The following SDK1 variants were observed in gnomAD, a reference collection of about 807,000 sequenced individuals.
The protein encoded by SDK1 is protein sidekick-1.
Under a neutral mutation model 245.5 loss-of-function variants are expected in SDK1, and 157 were observed. The observed-to-expected ratio is 0.64, with a 90% CI of 0.56 to 0.73. SDK1 has a LOEUF of 0.73. SDK1 is among the 30% of genes least tolerant of loss of function. The probability of loss-of-function intolerance (pLI) is 0.00; values close to 1 mark genes in which losing one functional copy is unlikely to be tolerated. For missense variants in SDK1, 3,583 were observed against 3,002.3 expected, an observed-to-expected ratio of 1.19 and a Z score of -4.52; for synonymous variants, 1,647 against 1,278.5, an observed-to-expected ratio of 1.29 and a Z score of -6.15.
At chr7:3,684,387 C>T (rs1431249832) in intron 4 of SDK1, among the ~76,000 whole-genome samples, 1 of 152,202 alleles carries the variant, frequency 6.6e-6, no homozygotes, top group African/African-American at 2.4e-5. Flanking sequence ...TGAAGCTCAC[C>T]CCTCACTGAG....
chr7:3,339,156 A>G (rs571701475), intron 1 of SDK1, among the ~76,000 whole-genome samples: 1 of 146,854 alleles, frequency 6.8e-6, no homozygotes, highest in African/African-American at 2.5e-5. Context: ...GGCCATATTA[A>G]CATTCAAAAA....
At chr7:3,903,087 T>A (rs1174980669) in intron 5 of SDK1, among the ~76,000 whole-genome samples, 1 of 152,088 alleles carries the variant, frequency 6.6e-6, no homozygotes, top group Admixed American at 6.6e-5. Flanking sequence ...GGGGTACCTC[T>A]TTACTCTCAC....
chr7:3,639,911 A>G (rs1264867467), intron 3 of SDK1, among the ~76,000 whole-genome samples: 1 of 152,150 alleles, frequency 6.6e-6, no homozygotes, highest in Non-Finnish European at 1.5e-5. Context: ...GTGCAGTGGC[A>G]CAAACATAGC....
chr7:4,145,754 A>G lies in SDK1; in HGVS notation c.4261A>G (p.Ser1421Gly), dbSNP rs369892492. 31 of 1,611,362 alleles carry G rather than the reference A, an allele frequency of 1.9e-5. No homozygotes were observed. The highest frequency in any genetic ancestry group is 2.4e-5 in the Non-Finnish European group (28 of 1,179,000). The change falls in exon 29 of 45, where the codon AGC becomes GGC. Residue 1421 changes from serine to glycine, a missense_variant. Transcript: ENST00000404826. ...YQIAYRLASS[S>G]PHTFTTVEVG... ...GATTGCCTACCGCCTGGCCAGCAGC[A>G]GCCCCCACACCTTCACCACCGTGGA...
At chr7:4,194,972 A>G (rs1408911963) in intron 35 of SDK1, among the ~76,000 whole-genome samples, 1 of 152,112 alleles carries the variant, frequency 6.6e-6, no homozygotes, top group Admixed American at 6.5e-5. Context: ...TTCCCCTGGA[A>G]TTTTCTGCTC....
chr7:3,826,051 A>T (rs1779766701), intron 5 of SDK1, among the ~76,000 whole-genome samples: 1 of 152,208 alleles, frequency 6.6e-6, no homozygotes, highest in African/African-American at 2.4e-5. Flanking sequence ...TCATGAGTTT[A>T]ATCATTTAGC....
At chr7:4,060,134 G>T (rs991630250) in intron 19 of SDK1, among the ~76,000 whole-genome samples, 1 of 152,128 alleles carries the variant, frequency 6.6e-6, no homozygotes, top group Non-Finnish European at 1.5e-5. Context: ...GCCCGCCTCG[G>T]CCTTCCAAAG....
At chr7:3,407,373 A>G (rs1779082385) in intron 1 of SDK1, among the ~76,000 whole-genome samples, 1 of 152,190 alleles carries the variant, frequency 6.6e-6, no homozygotes. Flanking sequence ...TGGCATTTGC[A>G]TCCTGCCAAG....
At chr7:3,683,228 G>A (rs570195796) in intron 4 of SDK1, among the ~76,000 whole-genome samples, 1 of 152,106 alleles carries the variant, frequency 6.6e-6, no homozygotes, top group African/African-American at 2.4e-5. Context: ...TTGTATCTGT[G>A]GTGTTTTCTG....
At chr7:3,892,595 C>G (rs1249537594) in intron 5 of SDK1, among the ~76,000 whole-genome samples, 2 of 152,232 alleles carry the variant, frequency 1.3e-5, no homozygotes, top group Non-Finnish European at 2.9e-5. Flanking sequence ...GTGATACAGT[C>G]TCTCACAGGC....
In SDK1 at chr7:4,107,530, C is replaced by T. The variant is rs114664903; in HGVS notation, c.3325-3133C>T. 4.9e-3 allele frequency among the ~76,000 whole-genome samples: 741 copies of T among 151,276 alleles called. 2 individuals carry two copies. The highest frequency in any genetic ancestry group is 0.012 in the African/African-American group (478 of 41,004). ...AAACAAAACGTATTCTCCATGAAAT[C>T]GCCCAGTGCTTTGGTTTAACACCCA... On this transcript the variant is annotated intron_variant, in intron 22 of 44. Coordinates refer to ENST00000404826, the MANE Select transcript of SDK1 (RefSeq NM_152744.4).
At chr7:3,607,701 G>GT (rs1191427708) in intron 1 of SDK1, among the ~76,000 whole-genome samples, 1 of 152,196 alleles carries the variant, frequency 6.6e-6, no homozygotes, top group African/African-American at 2.4e-5. Flanking sequence ...ATTTATGTGT[G>GT]TTATTTAGAA....
chr7:4,146,133 C>A (rs895252020), intron 29 of SDK1, among the ~76,000 whole-genome samples: 5 of 142,792 alleles, frequency 3.5e-5, no homozygotes, highest in African/African-American at 1.2e-4. Flanking sequence ...CACACCTGCT[C>A]TCTCAGACAC....
intron 1 of SDK1, among the ~76,000 whole-genome samples, chr7:3,357,228 G>T (rs1218223435): frequency 6.6e-6 from 1 of 150,546 alleles, no homozygotes; most frequent in Non-Finnish European, 1.5e-5. Context: ...AGAGACTCTG[G>T]ATGCTTCTGT....
chr7:4,167,633 C>T (rs1359720785), intron 32 of SDK1, among the ~76,000 whole-genome samples: 1 of 152,222 alleles, frequency 6.6e-6, no homozygotes, highest in Non-Finnish European at 1.5e-5. Context: ...CCCCAGGGCT[C>T]TGACTGAGCA....
At chr7:4,138,371 T>C (rs575554267) in intron 28 of SDK1, among the ~76,000 whole-genome samples, 3 of 152,304 alleles carry the variant, frequency 2.0e-5, no homozygotes, top group South Asian at 2.1e-4. Flanking sequence ...GCTTTTGTTA[T>C]GTTGTGCAGA....
At chr7:3,640,287 G>A (rs1011829870) in intron 3 of SDK1, among the ~76,000 whole-genome samples, 4 of 152,134 alleles carry the variant, frequency 2.6e-5, no homozygotes, top group Admixed American at 2.0e-4. Context: ...CCTGAGTTGG[G>A]CTGTACTATT....
At chr7:4,227,245 C>A (rs561224799) in intron 40 of SDK1, 73 of 371,232 alleles carry the variant, frequency 2.0e-4, no homozygotes, top group South Asian at 1.6e-3. Context: ...GTGCCCGGTC[C>A]CCTCATGTGC....
chr7:3,807,098 C>G (rs555178375), intron 4 of SDK1, among the ~76,000 whole-genome samples: 2 of 152,100 alleles, frequency 1.3e-5, no homozygotes, highest in Admixed American at 1.3e-4. Flanking sequence ...AAAGCCTTAC[C>G]TGGGAAAGTC....
Sources: allele counts gnomAD v4.1 joint callset (sites outside exome capture counted in the v4.1 genomes callset), GRCh38; gene constraint gnomAD v4.1.1; transcripts MANE v1.5; gene names NCBI Gene and HGNC (gene_info 2026-07-23, HGNC 2026-07-21).